Variants in CEP128 observed in about 807,000 individuals in gnomAD.
The protein encoded by CEP128 is centrosomal protein 128, also known as centrosomal protein 128kDa.
Under a neutral mutation model 156.7 loss-of-function variants are expected in CEP128, and 132 were observed. That is an observed-to-expected ratio of 0.84 (90% CI 0.73 to 0.97). The LOEUF (loss-of-function observed/expected upper bound fraction) is 0.97, where lower values mean the gene tolerates loss of function less well. CEP128 is among the 50% of genes least tolerant of loss of function. The pLI is 0.00. For synonymous variants in CEP128, 469 were observed against 448.9 expected (o/e 1.04, Z -0.57); for missense variants, 1,252 against 1,281.9 (o/e 0.98, Z 0.36).
chr14:80,555,019 T>A (rs926849331), intron 21 of CEP128, among the ~76,000 whole-genome samples: 2 of 152,066 alleles, frequency 1.3e-5, no homozygotes, highest in African/African-American at 4.8e-5. Context: ...CCTATTTAGA[T>A]CCTGATATAA....
At chr14:80,674,857 C>T (rs537173815) in intron 19 of CEP128, among the ~76,000 whole-genome samples, 1 of 152,078 alleles carries the variant, frequency 6.6e-6, no homozygotes, top group African/African-American at 2.4e-5. Flanking sequence ...ATAAAATAAC[C>T]CATACATCTT....
At chr14:80,902,601 A>G (rs1046602628) in intron 6 of CEP128, among the ~76,000 whole-genome samples, 2 of 152,196 alleles carry the variant, frequency 1.3e-5, no homozygotes, top group African/African-American at 4.8e-5. Flanking sequence ...AAGACAACAA[A>G]AGGAAAAATT....
chr14:80,906,676 T>C (rs1190261193), intron 4 of CEP128, among the ~76,000 whole-genome samples: 1 of 152,192 alleles, frequency 6.6e-6, no homozygotes, highest in Non-Finnish European at 1.5e-5. Flanking sequence ...TTCAGTTTAT[T>C]AAGGAGTCAG....
intron 9 of CEP128, among the ~76,000 whole-genome samples, chr14:80,853,271 A>C (rs1006220589): frequency 1.3e-5 from 2 of 151,866 alleles, no homozygotes; most frequent in African/African-American, 4.8e-5. Flanking sequence ...GCTTCCATTT[A>C]ATATTAGACT....
At chr14:80,824,578 G>A (rs1311605776) in intron 13 of CEP128, among the ~76,000 whole-genome samples, 1 of 152,158 alleles carries the variant, frequency 6.6e-6, no homozygotes, top group Non-Finnish European at 1.5e-5. Context: ...AATCTCAAGT[G>A]GAGGAGCAAT....
chr14:80,581,446 A>G (rs999663130), intron 19 of CEP128, among the ~76,000 whole-genome samples: 1 of 152,210 alleles, frequency 6.6e-6, no homozygotes, highest in Non-Finnish European at 1.5e-5. Context: ...GTAGAGTGAC[A>G]AAGTCATGCT....
chr14:80,608,381 A>C (rs1892867900), intron 19 of CEP128, among the ~76,000 whole-genome samples: 1 of 152,188 alleles, frequency 6.6e-6, no homozygotes, highest in South Asian at 2.1e-4. Context: ...AAATGACTCA[A>C]ATTCTATTCT....
chr14:80,613,471 T>G (rs1452130433), intron 19 of CEP128, among the ~76,000 whole-genome samples: 1 of 145,546 alleles, frequency 6.9e-6, no homozygotes, highest in African/African-American at 2.5e-5. Flanking sequence ...GCTGGCTAAT[T>G]TTTTTTTTTT....
At chr14:80,672,942 A>G (rs1895903427) in intron 19 of CEP128, among the ~76,000 whole-genome samples, 3 of 152,224 alleles carry the variant, frequency 2.0e-5, no homozygotes, top group Admixed American at 2.0e-4. Context: ...TTTTATAAAA[A>G]TAATTTATTC....
rs1358093836 is a variant in CEP128, at chr14:80,899,948, T to C, written c.562A>G (p.Arg188Gly). Residue 188 changes from arginine to glycine, a missense_variant, in exon 7 of 25, where the codon AGA (arginine) becomes GGA (glycine). Transcript: ENST00000555265. ...ATAGGCTGCTTTTACCGGCTCCTTC[T>C]GGAAAGCTCCCTGTTGAAATCATCT... Reference protein sequence around the residue: ...LGDDFNRELSRRSRSDAETKR... With the variant: ...LGDDFNRELSGRSRSDAETKR... 1 of 1,612,508 alleles carries C rather than the reference T, an allele frequency of 6.2e-7. No homozygotes were observed. Among genetic ancestry groups the C allele is most frequent in the Middle Eastern group, 1.7e-4 (1 of 6,060 alleles).
In CEP128 at chr14:80,915,036, TTTACTTACTTTAC is replaced by T. The variant is rs1594841549; in HGVS notation, c.148-641_148-629del. 2.0e-5 allele frequency among the ~76,000 whole-genome samples: 3 copies of T among 152,256 alleles called. No individual in the cohort carries two copies. In the East Asian group the frequency reaches 5.8e-4, roughly 29 times the overall value. On this transcript the variant is annotated intron_variant, in intron 3 of 24. Transcript: ENST00000555265. ...GTTATCTTACTTTACTTACTTACAT[TTTACTTACTTTAC>T]TTACTTACTTACTTATTGATGAGAA...
At chr14:80,843,840 T>C (rs890819545) in intron 9 of CEP128, among the ~76,000 whole-genome samples, 41 of 152,014 alleles carry the variant, frequency 2.7e-4, no homozygotes, top group African/African-American at 9.6e-4. Flanking sequence ...ATTAAAATTT[T>C]TTTAAGATGG....
At chr14:80,649,790 C>T (rs1032552958) in intron 19 of CEP128, among the ~76,000 whole-genome samples, 1 of 152,086 alleles carries the variant, frequency 6.6e-6, no homozygotes, top group African/African-American at 2.4e-5. Context: ...TGTTTTGGTA[C>T]CAGTACCATG....
intron 2 of CEP128, among the ~76,000 whole-genome samples, chr14:80,937,506 C>T (rs4899781): frequency 0.4 from 60,689 of 151,820 alleles, 12,413 homozygotes; most frequent in South Asian, 0.53. Flanking sequence ...TTCACTCCAG[C>T]CTGGGCAACA....
chr14:80,782,921 T>A (rs952256482), intron 15 of CEP128, among the ~76,000 whole-genome samples: 1 of 152,222 alleles, frequency 6.6e-6, no homozygotes, highest in Non-Finnish European at 1.5e-5. Flanking sequence ...TAGGCCCTTT[T>A]AGTAAATTCT....
chr14:80,645,021 C>G (rs1008211100), intron 19 of CEP128, among the ~76,000 whole-genome samples: 1 of 152,040 alleles, frequency 6.6e-6, no homozygotes, highest in Non-Finnish European at 1.5e-5. Context: ...ATAAATGAGA[C>G]ATACTTAATT....
At chr14:80,827,055 T>C (rs1425575390) in intron 13 of CEP128, among the ~76,000 whole-genome samples, 2 of 152,180 alleles carry the variant, frequency 1.3e-5, no homozygotes, top group Admixed American at 6.5e-5. Flanking sequence ...CATTGTTTTT[T>C]TAAGAGCCAT....
chr14:80,718,269 T>A (rs1020742447), intron 19 of CEP128, among the ~76,000 whole-genome samples: 2 of 152,216 alleles, frequency 1.3e-5, no homozygotes, highest in African/African-American at 4.8e-5. Flanking sequence ...AATATAGAGA[T>A]GATTTCACAT....
chr14:80,511,866 T>C (rs1888274222), intron 23 of CEP128, among the ~76,000 whole-genome samples: 1 of 152,110 alleles, frequency 6.6e-6, no homozygotes, highest in Non-Finnish European at 1.5e-5. Flanking sequence ...TTCAAGAGCA[T>C]ACTGTTTAAT....
Sources: gnomAD v4.1 joint callset for allele counts (sites outside exome capture counted in the v4.1 genomes callset) on GRCh38, gnomAD v4.1.1 for gene constraint, MANE v1.5 for transcripts, NCBI Gene and HGNC (gene_info 2026-07-23, HGNC 2026-07-21) for gene names.